The following PDLIM7 variants were observed in gnomAD, a reference collection of about 807,000 sequenced individuals.
The protein encoded by PDLIM7 is PDZ and LIM domain protein 7.
A neutral mutation model predicts 53.9 loss-of-function variants in PDLIM7; 37 were observed. The observed-to-expected ratio is 0.69, with a 90% CI of 0.53 to 0.90. The LOEUF is 0.90. PDLIM7 is among the 40% of genes least tolerant of loss of function. The pLI is 0.00. For missense variants in PDLIM7, 617 were observed against 638.5 expected, an observed-to-expected ratio of 0.97 and a Z score of 0.36; for synonymous variants, 300 against 261.3, an observed-to-expected ratio of 1.15 and a Z score of -1.43.
In PDLIM7 at chr5:177,492,519, C is replaced by G. The variant is rs199813043; in HGVS notation, c.248+7G>C. ...GCGGGCGCACCCATCCATGTCCACC[C>G]GCATACCTGCTGAGGCCCAGGCTGA... On this transcript the variant is annotated splice_region_variant and intron_variant, in intron 3 of 12. Transcript: ENST00000355841. 1 of 1,613,686 alleles carries G rather than the reference C, an allele frequency of 6.2e-7. No homozygotes were observed.
Position 177,491,867 on chromosome 5 carries a change from T to C in PDLIM7, c.338A>G (p.Asn113Ser). ...RYTFAPSVSL[N>S]KTARPFGAPP... Reference sequence around the variant, plus strand: ...CGCCCCAAAGGGCCGGGCCGTCTTGTTGAGGGAGACGCTGGGTGCAAAGGT... The same window carrying C: ...CGCCCCAAAGGGCCGGGCCGTCTTGCTGAGGGAGACGCTGGGTGCAAAGGT... Residue 113 changes from asparagine to serine, a missense_variant, in exon 5 of 13, where the codon AAC (asparagine) becomes AGC (serine). By Grantham distance (46) the Asn-to-Ser change is conservative. Transcript: ENST00000355841. The C allele has an allele frequency of 7.9e-7, 1 of 1,271,458 alleles. No homozygotes were observed. Among genetic ancestry groups the C allele is most frequent in the South Asian group, 3.4e-5 (1 of 29,392 alleles). The allele number at this position is 1,271,458 out of a possible 1,614,324, so 78.8% of individuals were successfully genotyped here.
At chr5:177,492,092 G>A (rs1412391765) in intron 4 of PDLIM7, 167 bp from the exon 5 acceptor site, 3 of 449,678 alleles carry the variant, frequency 6.7e-6, no homozygotes, top group African/African-American at 4.4e-5. Context: ...CAGGTTTCAA[G>A]GGGCCCATTT....
chr5:177,496,442 A>G lies in PDLIM7; in HGVS notation c.71T>C (p.Phe24Ser). Residue 24 changes from phenylalanine to serine, a missense_variant, in exon 2 of 13, where the codon TTC (phenylalanine) becomes TCC (serine). Physicochemically the swap from Phe to Ser is radical, Grantham distance 155 (BLOSUM62 -2). Transcript: ENST00000355841. ...CCGGGAAATGGAGAGGGGCACATTGAAGTCCTTGCCCCCTTGCAGCCGGAA... is the reference window on the plus strand; with the variant it reads ...CCGGGAAATGGAGAGGGGCACATTGGAGTCCTTGCCCCCTTGCAGCCGGAA... Reference protein sequence around the residue: ...WGFRLQGGKDFNVPLSISRLT... With the variant: ...WGFRLQGGKDSNVPLSISRLT... 1 of 1,601,404 alleles carries G rather than the reference A, an allele frequency of 6.2e-7. No individual in the cohort carries two copies. The highest frequency in any genetic ancestry group is 1.7e-5 in the Admixed American group (1 of 58,472).
rs758392810 is a variant in PDLIM7 at position 177,491,869 on chromosome 5, G to A, written c.336C>T (p.Leu112=). ...PRYTFAPSVS[L]NKTARPFGAP... ...CCCCAAAGGGCCGGGCCGTCTTGTT[G>A]AGGGAGACGCTGGGTGCAAAGGTGT... Residue 112 remains leucine, a synonymous_variant, in exon 5 of 13, where the codon CTC becomes CTT. Coordinates refer to ENST00000355841, the MANE Select transcript of PDLIM7 (RefSeq NM_005451.5). 7 of 1,274,860 alleles carry A rather than the reference G, an allele frequency of 5.5e-6. No homozygotes were observed. In the African/African-American group the frequency reaches 9.3e-5, roughly 17 times the overall value. The allele number at this position is 1,274,860 out of a possible 1,614,324, so 79.0% of individuals were successfully genotyped here. A position where few individuals can be genotyped will look rare whatever the true frequency, so the allele number is the denominator to read the frequency against.
At chr5:177,488,020 C>T (rs1373354820) in intron 10 of PDLIM7, 48 bp downstream of exon 10, 1 of 1,530,890 alleles carries the variant, frequency 6.5e-7, no homozygotes, top group Non-Finnish European at 8.8e-7. Context: ...AGCCCTCGTT[C>T]CCACTGACAG....
intron 5 of PDLIM7, 39 bp downstream of exon 5, chr5:177,491,768 C>A: frequency 1.0e-6 from 1 of 992,786 alleles, no homozygotes; most frequent in East Asian, 3.3e-5. Context: ...CCACAGTGGG[C>A]CTGATGGCGT....
intron 5 of PDLIM7, chr5:177,491,482 A>G: frequency 7.4e-7 from 1 of 1,346,484 alleles, no homozygotes; most frequent in South Asian, 1.3e-5. Flanking sequence ...CAGGAGAGGA[A>G]GAAAGACGGG....
chr5:177,490,053 C>T (rs1181255764), intron 7 of PDLIM7: 1 of 1,532,122 alleles, frequency 6.5e-7, no homozygotes, highest in African/African-American at 1.4e-5. Flanking sequence ...GGCAGGGCTC[C>T]CGCTTCTGAG....
intron 2 of PDLIM7, among the ~76,000 whole-genome samples, chr5:177,494,578 G>A (rs555865107): frequency 2.6e-5 from 4 of 151,676 alleles, no homozygotes; most frequent in Non-Finnish European, 4.4e-5. Flanking sequence ...GGGCGGGGAC[G>A]GCTTCCCTTC....
At chr5:177,490,943 A>C (rs766248213) in intron 6 of PDLIM7, 37 bp from the exon 7 acceptor site, 1 of 1,614,058 alleles carries the variant, frequency 6.2e-7, no homozygotes, top group South Asian at 1.1e-5. Context: ...CAAAAAAGAC[A>C]CAGGGTCAGG....
At chr5:177,494,564 T>TG (rs926354434) in intron 2 of PDLIM7, among the ~76,000 whole-genome samples, 1 of 18,314 alleles carries the variant, frequency 5.5e-5, no homozygotes, top group Non-Finnish European at 1.1e-4. Context: ...GGAGAGGGGG[T>TG]GGGGGGCGGG....
Position 177,489,656 on chromosome 5 carries a change from G to T in PDLIM7, c.635-29C>A, listed in dbSNP as rs757780955. ...CCGGGGAAAGTGACTCTAAAGGGGTGCCCAGGGACCCCAAAGGACGGGGGT... is the reference window on the plus strand; with the variant it reads ...CCGGGGAAAGTGACTCTAAAGGGGTTCCCAGGGACCCCAAAGGACGGGGGT... On this transcript the variant is annotated intron_variant, in intron 8 of 12. Transcript: ENST00000355841. 26 of 1,537,172 alleles carry T rather than the reference G, an allele frequency of 1.7e-5. No homozygotes were observed. In the Admixed American group the frequency reaches 2.7e-4, roughly 16 times the overall value.
Position 177,490,856 on chromosome 5 carries a change from G to A in PDLIM7, c.572+14C>T. The A allele has an allele frequency of 6.2e-7, 1 of 1,613,736 alleles. No individual in the cohort carries two copies. Among genetic ancestry groups the A allele is most frequent in the East Asian group, 2.2e-5 (1 of 44,870 alleles). ...GGCAGGAGGTGGGAGAGGGGCTGGT[G>A]CCCGTCCCTGTACCTTGATTTCTTC... On this transcript the variant is annotated intron_variant, in intron 7 of 12. Transcript: ENST00000355841.
chr5:177,496,444 G>C lies in PDLIM7; in HGVS notation c.69C>G (p.Asp23Glu). Residue 23 changes from aspartate (D) to glutamate (E), a missense_variant, in exon 2 of 13, where the codon GAC (aspartate) becomes GAG (glutamate). By Grantham distance (45) the Asp-to-Glu change is conservative (BLOSUM62 2). Coordinates refer to ENST00000355841, the MANE Select transcript of PDLIM7 (RefSeq NM_005451.5). ...PWGFRLQGGKDFNVPLSISRL... is the reference protein window; with the variant it reads ...PWGFRLQGGKEFNVPLSISRL... ...GGGAAATGGAGAGGGGCACATTGAAGTCCTTGCCCCCTTGCAGCCGGAAGC... is the reference window on the plus strand; with the variant it reads ...GGGAAATGGAGAGGGGCACATTGAACTCCTTGCCCCCTTGCAGCCGGAAGC... 1 of 1,602,376 alleles carries C rather than the reference G, an allele frequency of 6.2e-7. No homozygotes were observed. Among genetic ancestry groups the C allele is most frequent in the South Asian group, 1.1e-5 (1 of 89,200 alleles).
chr5:177,492,663 G>T lies in PDLIM7; in HGVS notation c.111C>A (p.Gly37=). 1.2e-6 allele frequency: 2 copies of T among 1,605,426 alleles called. No individual in the cohort carries two copies. Among genetic ancestry groups the T allele is most frequent in the Non-Finnish European group, 8.5e-7 (1 of 1,179,862 alleles). ...CGGCCACTCCGGCCTGCGCCGCTTTGCCCCCAGGAGTGAGCTGTGGAGAGA... is the reference window on the plus strand; with the variant it reads ...CGGCCACTCCGGCCTGCGCCGCTTTTCCCCCAGGAGTGAGCTGTGGAGAGA... The part of the protein sequence containing the change: ...PLSISRLTPG[G]KAAQAGVAVG... Residue 37 remains glycine (G), a synonymous_variant, in exon 3 of 13, where the codon GGC becomes GGA. Coordinates refer to ENST00000355841, the MANE Select transcript of PDLIM7 (RefSeq NM_005451.5).
chr5:177,494,802 A>G (rs1758981930), intron 2 of PDLIM7, among the ~76,000 whole-genome samples: 2 of 152,098 alleles, frequency 1.3e-5, no homozygotes, highest in Admixed American at 1.3e-4. Flanking sequence ...TGAGCAGCCC[A>G]GCCCCCCAGT....
chr5:177,489,772 A>G lies in PDLIM7; in HGVS notation c.633T>C (p.Pro211=). Residue 211 remains proline (P), a splice_region_variant and synonymous_variant, in exon 8 of 13, where the codon CCT becomes CCC. Transcript: ENST00000355841. ...AGGCCCGAGCCCACTCCCTCTCACC[A>G]GGCCAGGGCTCCTGGGGTGTAGATG... is the stretch of plus-strand genomic sequence containing the variant. The part of the protein sequence containing the change: ...PASSTPQEPW[P]GPTAPSPTSR... 1.3e-6 allele frequency: 2 copies of G among 1,553,706 alleles called. No homozygotes were observed. Among genetic ancestry groups the G allele is most frequent in the Non-Finnish European group, 1.7e-6 (2 of 1,149,046 alleles).
intron 10 of PDLIM7, among the ~76,000 whole-genome samples, chr5:177,486,975 C>G (rs1200299473): frequency 2.7e-5 from 3 of 109,270 alleles, no homozygotes; most frequent in African/African-American, 1.1e-4. Flanking sequence ...TTTGCTGTCT[C>G]CCAGGCTGGA....
intron 4 of PDLIM7, 69 bp downstream of exon 4, chr5:177,492,336 G>A: frequency 1.9e-6 from 3 of 1,575,948 alleles, no homozygotes; most frequent in Middle Eastern, 3.4e-4. Flanking sequence ...AATGTGCCAG[G>A]AGGGCGAGCA....
Sources: gnomAD v4.1 joint callset for allele counts (sites outside exome capture counted in the v4.1 genomes callset) on GRCh38, gnomAD v4.1.1 for gene constraint, MANE v1.5 for transcripts, NCBI Gene and HGNC (gene_info 2026-07-23, HGNC 2026-07-21) for gene names.